Variants in ADGRL3 observed in about 807,000 individuals in gnomAD.
ADGRL3 encodes calcium-independent alpha-latrotoxin receptor 3.
In ADGRL3, 62 loss-of-function variants were observed where a neutral mutation model predicts 153.5. That is an observed-to-expected ratio of 0.40 (90% confidence interval 0.33 to 0.50). The LOEUF (loss-of-function observed/expected upper bound fraction) is 0.50, where lower values mean the gene tolerates loss of function less well. Ranked by LOEUF, ADGRL3 falls within the 20% of genes least tolerant of loss-of-function variation. The pLI is 0.47. For synonymous variants in ADGRL3, 710 were observed against 672.5 expected (o/e 1.06, Z -0.86); for missense variants, 1,641 against 1,859.4 (o/e 0.88, Z 2.16).
intron 5 of ADGRL3, among the ~76,000 whole-genome samples, chr4:61,644,599 C>T (rs751890153): frequency 6.6e-6 from 1 of 152,086 alleles, no homozygotes; most frequent in African/African-American, 2.4e-5. Flanking sequence ...AGCGGTTTTG[C>T]GTGAGATTCT....
intron 6 of ADGRL3, among the ~76,000 whole-genome samples, chr4:61,679,582 CACTT>C (rs1482474126): frequency 6.6e-6 from 1 of 152,032 alleles, no homozygotes; most frequent in African/African-American, 2.4e-5. Context: ...AGTTTATTGA[CACTT>C]AACCACATGC....
chr4:62,018,900 C>T (rs897390780), intron 21 of ADGRL3, among the ~76,000 whole-genome samples: 2 of 152,114 alleles, frequency 1.3e-5, no homozygotes, highest in Admixed American at 6.6e-5. Context: ...GGAAGATGTG[C>T]CTCATGTGTG....
intron 5 of ADGRL3, among the ~76,000 whole-genome samples, chr4:61,621,271 C>A (rs546413216): frequency 2.6e-5 from 4 of 152,038 alleles, no homozygotes; most frequent in Non-Finnish European, 4.4e-5. Flanking sequence ...TGGATTGAGG[C>A]CTTGATGTTA....
At chr4:61,679,857 T>C (rs1020417340) in intron 6 of ADGRL3, among the ~76,000 whole-genome samples, 5 of 152,112 alleles carry the variant, frequency 3.3e-5, no homozygotes, top group Admixed American at 2.0e-4. Context: ...TTTAATCTTA[T>C]ATAATAGTTT....
At chr4:61,795,022 T>C (rs2097392230) in intron 8 of ADGRL3, among the ~76,000 whole-genome samples, 1 of 152,254 alleles carries the variant, frequency 6.6e-6, no homozygotes, top group Non-Finnish European at 1.5e-5. Flanking sequence ...TGAATAATTT[T>C]ATGTCAGGCT....
At chr4:61,355,195 A>T (rs1444185275) in intron 1 of ADGRL3, among the ~76,000 whole-genome samples, 2 of 152,126 alleles carry the variant, frequency 1.3e-5, no homozygotes, top group Non-Finnish European at 2.9e-5. Context: ...TTTGCTGTAT[A>T]GAAATGCTGT....
intron 16 of ADGRL3, among the ~76,000 whole-genome samples, chr4:61,947,685 T>C (rs1217132459): frequency 6.6e-6 from 1 of 152,196 alleles, no homozygotes; most frequent in Non-Finnish European, 1.5e-5. Flanking sequence ...ATTTGATATT[T>C]CAAGCAATTA....
At chr4:61,710,055 T>A (rs1027684862) in intron 6 of ADGRL3, among the ~76,000 whole-genome samples, 2 of 152,216 alleles carry the variant, frequency 1.3e-5, no homozygotes, top group African/African-American at 4.8e-5. Context: ...AAACTGGAAT[T>A]ATTTAACAGA....
intron 6 of ADGRL3, among the ~76,000 whole-genome samples, chr4:61,721,927 TTA>T (rs1259842968): frequency 6.6e-6 from 1 of 152,166 alleles, no homozygotes; most frequent in African/African-American, 2.4e-5. Flanking sequence ...AAAAATTTAT[TTA>T]TAGAGATGGC....
At chr4:62,057,490 A>T (rs545695745) in intron 25 of ADGRL3, among the ~76,000 whole-genome samples, 46 of 152,228 alleles carry the variant, frequency 3.0e-4, no homozygotes, top group African/African-American at 1.1e-3. Context: ...ATTTTAACTG[A>T]ATCTATTTCA....
At chr4:61,458,592 A>T (rs964681367) in intron 2 of ADGRL3, among the ~76,000 whole-genome samples, 1 of 151,580 alleles carries the variant, frequency 6.6e-6, no homozygotes, top group African/African-American at 2.4e-5. Flanking sequence ...AATTTCTGAA[A>T]TTTGACTCCC....
intron 1 of ADGRL3, among the ~76,000 whole-genome samples, chr4:61,374,209 T>G (rs189232586): frequency 1.3e-5 from 2 of 152,182 alleles, no homozygotes; most frequent in African/African-American, 4.8e-5. Context: ...CCACTGCAGA[T>G]GTTTGCATTT....
chr4:61,373,197 A>G (rs1213444502), intron 1 of ADGRL3, among the ~76,000 whole-genome samples: 3 of 152,172 alleles, frequency 2.0e-5, no homozygotes, highest in Non-Finnish European at 2.9e-5. Flanking sequence ...TTCGTCGCTC[A>G]GGCTGGGAGC....
intron 8 of ADGRL3, among the ~76,000 whole-genome samples, chr4:61,807,464 G>A (rs2097564786): frequency 6.6e-6 from 1 of 151,730 alleles, no homozygotes; most frequent in African/African-American, 2.4e-5. Flanking sequence ...ATTTTTCACG[G>A]TTATGAAAGA....
At chr4:61,565,301 C>T (rs973030703) in intron 4 of ADGRL3, among the ~76,000 whole-genome samples, 29 of 152,036 alleles carry the variant, frequency 1.9e-4, no homozygotes, top group African/African-American at 6.3e-4. Flanking sequence ...AACTCAGGCT[C>T]GCCTTCTTGA....
intron 1 of ADGRL3, among the ~76,000 whole-genome samples, chr4:61,247,674 G>T (rs1757617624): frequency 6.6e-6 from 1 of 151,924 alleles, no homozygotes; most frequent in Non-Finnish European, 1.5e-5. Flanking sequence ...TTTACATTCT[G>T]TAGTTTTGTA....
chr4:61,983,160 A>G (rs1305255619), intron 18 of ADGRL3, among the ~76,000 whole-genome samples: 1 of 152,128 alleles, frequency 6.6e-6, no homozygotes, highest in Non-Finnish European at 1.5e-5. Flanking sequence ...CTAATGATAC[A>G]CTGTCATCTA....
intron 8 of ADGRL3, among the ~76,000 whole-genome samples, chr4:61,804,792 T>C (rs932100217): frequency 2.0e-5 from 3 of 152,138 alleles, no homozygotes; most frequent in African/African-American, 7.2e-5. Flanking sequence ...CACTACATCA[T>C]TGATAACACT....
intron 8 of ADGRL3, chr4:61,775,478 T>C: frequency 1.4e-6 from 1 of 740,596 alleles, no homozygotes; most frequent in African/African-American, 1.7e-5. Context: ...TACTCTTCGA[T>C]GACATCCTTG....
Sources: gnomAD v4.1 joint callset for allele counts (sites outside exome capture counted in the v4.1 genomes callset) on GRCh38, gnomAD v4.1.1 for gene constraint, MANE v1.5 for transcripts, NCBI Gene and HGNC (gene_info 2026-07-23, HGNC 2026-07-21) for gene names.